SDAD1: variants seen among roughly 807,000 people sequenced by gnomAD.
The protein encoded by SDAD1 is protein SDA1 homolog.
A neutral mutation model predicts 100.3 loss-of-function variants in SDAD1; 79 were observed. The observed-to-expected ratio is 0.79, with a 90% CI of 0.66 to 0.95. SDAD1 has a LOEUF of 0.95. SDAD1 is among the 40% of genes least tolerant of loss of function. The pLI is 0.00. For synonymous variants in SDAD1, 267 were observed against 271.4 expected (o/e 0.98, Z 0.16); for missense variants, 790 against 810.9 (o/e 0.97, Z 0.31).
intron 2 of SDAD1, 85 bp from the exon 3 acceptor site, chr4:75,981,555 G>A (rs765072482): frequency 1.8e-5 from 28 of 1,584,270 alleles, no homozygotes; most frequent in Non-Finnish European, 2.1e-5. Flanking sequence ...TCTGCAAAAC[G>A]AGAGTAAAAG....
chr4:75,963,190 A>G (rs1472184127), intron 14 of SDAD1, among the ~76,000 whole-genome samples: 1 of 152,068 alleles, frequency 6.6e-6, no homozygotes, highest in Non-Finnish European at 1.5e-5. Context: ...TTGTCAAAGA[A>G]CAGATGGTTA....
intron 1 of SDAD1, among the ~76,000 whole-genome samples, chr4:75,987,993 T>C (rs1731003412): frequency 6.6e-6 from 1 of 152,204 alleles, no homozygotes. Context: ...AGAAACTCAC[T>C]GGCCTTTAAA....
At position 75,950,534 on chromosome 4, in the gene SDAD1, T is replaced by C. The variant is rs1728574183; in HGVS notation, c.*216A>G. 2.2e-6 allele frequency: 1 copy of C among 461,534 alleles called. No homozygotes were observed. Among genetic ancestry groups the C allele is most frequent in the Middle Eastern group, 6.0e-4 (1 of 1,672 alleles). The allele number at this position is 461,534 out of a possible 1,614,324, so 28.6% of individuals were successfully genotyped here. A position where few individuals can be genotyped will look rare whatever the true frequency, so the allele number is the denominator to read the frequency against. On this transcript the variant is annotated 3_prime_UTR_variant, in exon 22 of 22. Coordinates refer to ENST00000356260, the MANE Select transcript of SDAD1 (RefSeq NM_018115.4). The stretch of plus-strand genomic sequence containing the variant: ...TACTTTTTTTTGCATGAATGATAAA[T>C]GAAATGATTTTACATTACCACCACT...
At chr4:75,969,153 A>G in intron 11 of SDAD1, 143 bp downstream of exon 11, 1 of 496,450 alleles carries the variant, frequency 2.0e-6, no homozygotes, top group Non-Finnish European at 3.5e-6. Flanking sequence ...AGTTATTTTC[A>G]GAGATGTTAC....
chr4:75,971,623 C>A (rs574433545), intron 8 of SDAD1, among the ~76,000 whole-genome samples, 165 bp from the exon 9 acceptor site: 1 of 152,162 alleles, frequency 6.6e-6, no homozygotes, highest in East Asian at 1.9e-4. Context: ...GTAATCCCAG[C>A]GCTTTGGGAG....
intron 21 of SDAD1, 131 bp downstream of exon 21, chr4:75,955,844 G>A (rs1028450658): frequency 2.9e-6 from 3 of 1,049,398 alleles, no homozygotes; most frequent in Admixed American, 2.5e-5. Context: ...CTCCAACAAT[G>A]CTCTCCAACA....
At chr4:75,953,743 C>A (rs1728737412) in intron 21 of SDAD1, among the ~76,000 whole-genome samples, 1 of 152,196 alleles carries the variant, frequency 6.6e-6, no homozygotes, top group Non-Finnish European at 1.5e-5. Flanking sequence ...TATTTAGGAA[C>A]ACTGATTCAC....
intron 13 of SDAD1, 145 bp from the exon 14 acceptor site, chr4:75,964,356 G>A (rs1729418968): frequency 4.7e-6 from 3 of 632,884 alleles, no homozygotes; most frequent in Admixed American, 3.4e-5. Context: ...CAAGATTAAG[G>A]AAGACAGAAG....
intron 8 of SDAD1, among the ~76,000 whole-genome samples, chr4:75,971,663 G>A (rs1164482510): frequency 6.6e-6 from 1 of 152,098 alleles, no homozygotes; most frequent in Admixed American, 6.6e-5. Flanking sequence ...TTGAGGCCAG[G>A]AGCTTGAGAC....
intron 16 of SDAD1, among the ~76,000 whole-genome samples, chr4:75,960,653 T>C (rs1729177851): frequency 6.6e-6 from 1 of 152,192 alleles, no homozygotes; most frequent in Non-Finnish European, 1.5e-5. Context: ...CATCTCTCTT[T>C]CTGTTACATA....
At chr4:75,969,479 AAT>A in intron 10 of SDAD1, 80 bp from the exon 11 acceptor site, 1 of 900,386 alleles carries the variant, frequency 1.1e-6, no homozygotes. Flanking sequence ...AGGAAAAGAC[AAT>A]AGTTAGATCA....
chr4:75,986,158 G>A (rs1038505929), intron 1 of SDAD1, among the ~76,000 whole-genome samples: 6 of 151,802 alleles, frequency 4.0e-5, no homozygotes, highest in African/African-American at 4.8e-5. Context: ...CTGCTCTGTC[G>A]CCCAGGTTTC....
intron 1 of SDAD1, among the ~76,000 whole-genome samples, chr4:75,990,504 G>GT (rs1731191067): frequency 6.6e-6 from 1 of 152,166 alleles, no homozygotes; most frequent in South Asian, 2.1e-4. Context: ...ACAAAATGAG[G>GT]TTTTAAAGGT....
Position 75,950,122 on chromosome 4 carries a change from A to C in SDAD1, c.*628T>G, listed in dbSNP as rs1339698359. The C allele has an allele frequency of 8.1e-6, 1 of 123,186 alleles. No homozygotes were observed. Among genetic ancestry groups the C allele is most frequent in the Non-Finnish European group, 1.6e-5 (1 of 60,776 alleles). 7.6% of individuals were successfully genotyped at this position (123,186 alleles called of 1,614,324 possible). On this transcript the variant is annotated 3_prime_UTR_variant, in exon 22 of 22. Transcript: ENST00000356260. Reference sequence around the variant, plus strand: ...CATGGCATTCAAAACAAAAACAAAAACAAAAAAAACACGGGGGGGGGGGGG... The same window carrying C: ...CATGGCATTCAAAACAAAAACAAAACCAAAAAAAACACGGGGGGGGGGGGG...
At chr4:75,950,948 TC>T in intron 21 of SDAD1, 151 bp from the exon 22 acceptor site, 1 of 523,840 alleles carries the variant, frequency 1.9e-6, no homozygotes, top group Non-Finnish European at 3.5e-6. Context: ...ACAGATCACA[TC>T]TGAATCGAGG....
chr4:75,968,531 T>C (rs1385323523), intron 11 of SDAD1, among the ~76,000 whole-genome samples: 1 of 152,172 alleles, frequency 6.6e-6, no homozygotes, highest in Non-Finnish European at 1.5e-5. Flanking sequence ...TCTAACAGTA[T>C]GTGTAAAGTT....
At chr4:75,990,423 G>A (rs1308955334) in intron 1 of SDAD1, among the ~76,000 whole-genome samples, 1 of 152,188 alleles carries the variant, frequency 6.6e-6, no homozygotes, top group African/African-American at 2.4e-5. Flanking sequence ...AGAAATCCGC[G>A]TGGAAGTTGG....
chr4:75,961,764 T>C (rs1578120907), intron 14 of SDAD1, among the ~76,000 whole-genome samples: 1 of 152,184 alleles, frequency 6.6e-6, no homozygotes, highest in Admixed American at 6.5e-5. Flanking sequence ...GGCTACTAAA[T>C]TGCCCTAGGA....
At position 75,981,427 on chromosome 4, in the gene SDAD1, T is replaced by A. The variant is rs368129140; in HGVS notation, c.239A>T (p.Glu80Val). ...YPEYLSNFPQEVKDLLSCNHT... is the reference protein window; with the variant it reads ...YPEYLSNFPQVVKDLLSCNHT... ...ATTGCAGGAGAGAAGATCTTTCACC[T>A]CTTGAGGAAAATTACTTAGGTACTC... Residue 80 changes from glutamate to valine, a missense_variant, in exon 3 of 22, where the codon GAG becomes GTG. Physicochemically the swap from Glu to Val is moderately radical, Grantham distance 121. Coordinates refer to ENST00000356260, the MANE Select transcript of SDAD1 (RefSeq NM_018115.4). 5.6e-6 allele frequency: 9 copies of A among 1,613,746 alleles called. No homozygotes were observed. In the African/African-American group the frequency reaches 1.1e-4, roughly 19 times the overall value.
Sources: allele counts gnomAD v4.1 joint callset (sites outside exome capture counted in the v4.1 genomes callset), GRCh38; gene constraint gnomAD v4.1.1; transcripts MANE v1.5; gene names NCBI Gene and HGNC (gene_info 2026-07-23, HGNC 2026-07-21).